PLEKHG1: variants seen among roughly 807,000 people sequenced by gnomAD.
The protein encoded by PLEKHG1 is pleckstrin homology domain-containing family G member 1.
A neutral mutation model predicts 100.8 loss-of-function variants in PLEKHG1; 44 were observed. The observed-to-expected ratio is 0.44, with a 90% CI of 0.34 to 0.56. The LOEUF (loss-of-function observed/expected upper bound fraction) is 0.56, where lower values mean the gene tolerates loss of function less well. Among genes scored for constraint, PLEKHG1 ranks in the 20% least tolerant of loss-of-function variants. The pLI is 0.01. For synonymous variants in PLEKHG1, 640 were observed against 662.5 expected (o/e 0.97, Z 0.52); for missense variants, 1,545 against 1,720.9 (o/e 0.90, Z 1.81).
chr6:150,653,921 T>G (rs945635963), intron 3 of PLEKHG1, among the ~76,000 whole-genome samples: 7 of 152,170 alleles, frequency 4.6e-5, no homozygotes, highest in Non-Finnish European at 7.4e-5. Context: ...TAAAATCAAA[T>G]AAATATTTCC....
At chr6:150,776,049 CA>C (rs1190184271) in intron 3 of PLEKHG1, among the ~76,000 whole-genome samples, 1 of 152,098 alleles carries the variant, frequency 6.6e-6, no homozygotes, top group African/African-American at 2.4e-5. Context: ...CAGTGTAAAG[CA>C]ATAGAAGGTT....
chr6:150,754,333 G>A (rs577368927), intron 2 of PLEKHG1, among the ~76,000 whole-genome samples: 1 of 152,224 alleles, frequency 6.6e-6, no homozygotes, highest in African/African-American at 2.4e-5. Context: ...GCAAGACAGT[G>A]GTCAAAGATG....
chr6:150,710,346 T>A (rs1189920163), intron 3 of PLEKHG1, among the ~76,000 whole-genome samples: 2 of 152,200 alleles, frequency 1.3e-5, no homozygotes, highest in Non-Finnish European at 2.9e-5. Flanking sequence ...TGACCCCTTC[T>A]TTTAGGGCTC....
chr6:150,816,930 TCA>T (rs1263505678), intron 10 of PLEKHG1, among the ~76,000 whole-genome samples: 1 of 152,168 alleles, frequency 6.6e-6, no homozygotes, highest in East Asian at 1.9e-4. Context: ...ACAGTAGGGT[TCA>T]CACTCCTATG....
rs752346873 is a variant in PLEKHG1 at position 150,655,480 on chromosome 6, G to A, written c.-99+4694G>A. Among the ~76,000 whole-genome samples, 41 of 151,996 alleles carry A rather than the reference G, an allele frequency of 2.7e-4. 1 individual carries two copies. The highest frequency in any genetic ancestry group is 5.2e-4 in the Admixed American group (8 of 15,260). ...TCCCAGCACTTAGGGAGGCCGAGGC[G>A]GGTAGATCACAAGGTCAGGAGATCA... On this transcript the variant is annotated intron_variant, in intron 3 of 3. Coordinates refer to the PLEKHG1 transcript ENST00000367326.
At chr6:150,702,484 C>T (rs1780831164) in intron 3 of PLEKHG1, among the ~76,000 whole-genome samples, 1 of 150,342 alleles carries the variant, frequency 6.7e-6, no homozygotes, top group South Asian at 2.1e-4. Context: ...AAAAAAAGTT[C>T]TGATGTATGG....
intron 3 of PLEKHG1, among the ~76,000 whole-genome samples, chr6:150,677,790 T>C (rs1779809445): frequency 6.6e-6 from 1 of 151,518 alleles, no homozygotes; most frequent in African/African-American, 2.4e-5. Flanking sequence ...GGAGGGCGGG[T>C]CACTTGAGCC....
At chr6:150,729,215 A>G (rs1258185213) in intron 1 of PLEKHG1, among the ~76,000 whole-genome samples, 1 of 152,186 alleles carries the variant, frequency 6.6e-6, no homozygotes, top group Non-Finnish European at 1.5e-5. Context: ...AGGCCGTCAC[A>G]CCTGGCTAAT....
chr6:150,802,742 C>T (rs1302284939), intron 6 of PLEKHG1, among the ~76,000 whole-genome samples: 1 of 149,734 alleles, frequency 6.7e-6, no homozygotes, highest in Non-Finnish European at 1.5e-5. Flanking sequence ...CTCACTGCAA[C>T]CTCCGCCTCC....
intron 3 of PLEKHG1, among the ~76,000 whole-genome samples, chr6:150,698,639 G>A (rs1035967761): frequency 1.3e-5 from 2 of 152,146 alleles, no homozygotes; most frequent in African/African-American, 4.8e-5. Flanking sequence ...AGTACCTCCT[G>A]TAACGCAACT....
At chr6:150,624,390 G>A (rs998331641) in intron 1 of PLEKHG1, among the ~76,000 whole-genome samples, 5 of 151,964 alleles carry the variant, frequency 3.3e-5, no homozygotes, top group African/African-American at 4.8e-5. Flanking sequence ...CTCAACACTC[G>A]AGCCCCATGA....
chr6:150,649,281 G>T (rs1418591157), intron 2 of PLEKHG1, among the ~76,000 whole-genome samples: 2 of 152,124 alleles, frequency 1.3e-5, no homozygotes, highest in Non-Finnish European at 2.9e-5. Context: ...GCTAATTATA[G>T]TAAAGCTTTT....
chr6:150,753,196 C>T (rs761913321), intron 2 of PLEKHG1, among the ~76,000 whole-genome samples: 1 of 152,118 alleles, frequency 6.6e-6, no homozygotes, highest in Non-Finnish European at 1.5e-5. Flanking sequence ...CCCTCACCCC[C>T]ACCCCCGTAA....
intron 3 of PLEKHG1, among the ~76,000 whole-genome samples, chr6:150,673,822 G>C (rs1779651588): frequency 6.6e-6 from 1 of 152,078 alleles, no homozygotes; most frequent in Non-Finnish European, 1.5e-5. Context: ...CACCATGCCT[G>C]GCTAAATTTT....
chr6:150,714,953 C>T (rs980840708), intron 3 of PLEKHG1, among the ~76,000 whole-genome samples: 8 of 152,098 alleles, frequency 5.3e-5, no homozygotes, highest in Non-Finnish European at 8.8e-5. Context: ...GGACTACAGG[C>T]GTGCACCACC....
chr6:150,729,592 A>G (rs1412212335), intron 1 of PLEKHG1, among the ~76,000 whole-genome samples: 1 of 152,222 alleles, frequency 6.6e-6, no homozygotes, highest in Non-Finnish European at 1.5e-5. Context: ...GAATCAACAT[A>G]AAAAATGTTA....
chr6:150,643,859 T>C (rs1245063778), intron 2 of PLEKHG1, among the ~76,000 whole-genome samples: 1 of 152,122 alleles, frequency 6.6e-6, no homozygotes, highest in Non-Finnish European at 1.5e-5. Context: ...GTTTCCACTT[T>C]CAAATTCTAG....
At chr6:150,672,387 C>T (rs1344823725) in intron 3 of PLEKHG1, among the ~76,000 whole-genome samples, 5 of 152,146 alleles carry the variant, frequency 3.3e-5, no homozygotes, top group African/African-American at 7.2e-5. Flanking sequence ...CTGCTTTCCT[C>T]GATGTCCCGT....
At chr6:150,757,010 TTTTG>T (rs34433679) in intron 2 of PLEKHG1, among the ~76,000 whole-genome samples, 46,827 of 151,780 alleles carry the variant, frequency 0.31, 9,290 homozygotes, top group African/African-American at 0.56. Flanking sequence ...CTGTACCTGT[TTTTG>T]TTTATTTGTT....
Sources: gnomAD v4.1 joint callset for allele counts (sites outside exome capture counted in the v4.1 genomes callset) on GRCh38, gnomAD v4.1.1 for gene constraint, MANE v1.5 for transcripts, NCBI Gene and HGNC (gene_info 2026-07-23, HGNC 2026-07-21) for gene names.